Variants in IQSEC1 observed in about 807,000 individuals in gnomAD.
IQSEC1 encodes the protein IQ motif and SEC7 domain-containing protein 1.
Under a neutral mutation model 91.0 loss-of-function variants are expected in IQSEC1, and 31 were observed. That is an observed-to-expected ratio of 0.34 (90% CI 0.26 to 0.46). The LOEUF is 0.46. Ranked by LOEUF, IQSEC1 falls within the 20% of genes least tolerant of loss-of-function variation. The pLI is 1.00. For synonymous variants in IQSEC1, 699 were observed against 662.6 expected (o/e 1.05, Z -0.84); for missense variants, 1,388 against 1,575.6 (o/e 0.88, Z 2.02).
chr3:13,263,192 G>GCTC (rs1695418710), intron 1 of IQSEC1, among the ~76,000 whole-genome samples: 2 of 152,126 alleles, frequency 1.3e-5, no homozygotes, highest in Admixed American at 1.3e-4. Context: ...AGAGGTTGCA[G>GCTC]TGAGCCATAT....
rs1235438760 is a variant in IQSEC1 at position 13,008,276 on chromosome 3, A to T, written c.23+64716T>A. Among the ~76,000 whole-genome samples the T allele has an allele frequency of 2.0e-5, 3 of 151,512 alleles. No homozygotes were observed. Among genetic ancestry groups the T allele is most frequent in the African/African-American group, 7.2e-5 (3 of 41,390 alleles). On this transcript the variant is annotated intron_variant, in intron 1 of 13. Coordinates refer to ENST00000613206, the MANE Select transcript of IQSEC1 (RefSeq NM_001134382.3). The surrounding 1 kb of genome is among the most constrained non-coding windows in gnomAD (Gnocchi z 4.1). Reference sequence around the variant, plus strand: ...ACCTCTCCTTCCCGCGTCGAAGCTCAGAGGTGAGCCTCAGCTGACCCTCCC... The same window carrying T: ...ACCTCTCCTTCCCGCGTCGAAGCTCTGAGGTGAGCCTCAGCTGACCCTCCC...
chr3:12,929,704 G>T (rs904408225), intron 3 of IQSEC1, among the ~76,000 whole-genome samples: 1 of 152,130 alleles, frequency 6.6e-6, no homozygotes, highest in African/African-American at 2.4e-5. Flanking sequence ...TCTTTCTTTA[G>T]CTCTTCTTGA....
intron 1 of IQSEC1, among the ~76,000 whole-genome samples, chr3:13,038,986 T>A (rs1466742539): frequency 6.6e-6 from 1 of 152,260 alleles, no homozygotes; most frequent in Non-Finnish European, 1.5e-5. Context: ...AGGAAAGGGA[T>A]AAGATTTGTG....
At chr3:13,210,678 C>G (rs1245118492) in intron 1 of IQSEC1, among the ~76,000 whole-genome samples, 4 of 152,138 alleles carry the variant, frequency 2.6e-5, no homozygotes, top group African/African-American at 9.7e-5. Flanking sequence ...CGGGGCTCCT[C>G]CGCTCTGAGT....
At chr3:13,026,083 G>A (rs973898988) in intron 1 of IQSEC1, among the ~76,000 whole-genome samples, 1 of 152,218 alleles carries the variant, frequency 6.6e-6, no homozygotes, top group Non-Finnish European at 1.5e-5. Context: ...GGCCAGCAGC[G>A]GCCCTGGCAG....
chr3:13,072,764 C>T (rs190370216), intron 1 of IQSEC1, among the ~76,000 whole-genome samples: 1 of 152,342 alleles, frequency 6.6e-6, no homozygotes, highest in Non-Finnish European at 1.5e-5. Context: ...AATTTCACAG[C>T]CTGCTGAAGA....
Position 12,941,729 on chromosome 3 carries a change from G to T in IQSEC1, c.160C>A (p.Leu54Met). 1 of 1,612,500 alleles carries T rather than the reference G, an allele frequency of 6.2e-7. No individual in the cohort carries two copies. Among genetic ancestry groups the T allele is most frequent in the Non-Finnish European group, 8.5e-7 (1 of 1,179,970 alleles). The change falls in exon 2 of 14, where the codon CTG becomes ATG. Residue 54 changes from leucine to methionine, a missense_variant. Leu to Met is a conservative substitution (Grantham distance 15). Around this residue, in one of 2 missense-constraint regions of IQSEC1, gnomAD observed 1,059 missense variants for 1,317.8 expected, o/e 0.80. Transcript: ENST00000613206. ...TGTTGCCCCGGCGGCCCCGAGTACA[G>T]CCCATAGGCTCCCACTGACGTGTGC... ...YEHTSVGAYG[L>M]YSGPPGQQQR...
chr3:13,070,510 C>T (rs1238674630), intron 1 of IQSEC1, among the ~76,000 whole-genome samples: 1 of 152,176 alleles, frequency 6.6e-6, no homozygotes, highest in African/African-American at 2.4e-5. Context: ...GCAGCAGGTG[C>T]TGGGAGAGCC....
rs77908822 is a variant in IQSEC1, at chr3:13,058,931, C to T, written c.23+14061G>A. ...GGTAGCTTTGGCCAGCGGCGGACAGCGCTGCCCTCAGCCAGGTGGGTGGGC... is the reference window on the plus strand; with the variant it reads ...GGTAGCTTTGGCCAGCGGCGGACAGTGCTGCCCTCAGCCAGGTGGGTGGGC... On this transcript the variant is annotated intron_variant, in intron 1 of 13. Coordinates refer to ENST00000613206, the MANE Select transcript of IQSEC1 (RefSeq NM_001134382.3). Among the ~76,000 whole-genome samples the T allele has an allele frequency of 2.9e-3, 445 of 152,126 alleles. 4 individuals carry two copies. Among genetic ancestry groups the T allele is most frequent in the African/African-American group, 9.8e-3 (407 of 41,492 alleles).
chr3:13,185,059 A>T (rs1046793113), intron 1 of IQSEC1, among the ~76,000 whole-genome samples: 4 of 152,148 alleles, frequency 2.6e-5, no homozygotes, highest in Non-Finnish European at 5.9e-5. Flanking sequence ...GGGGTTTCAG[A>T]TTCGGGGGAT....
At chr3:13,182,260 C>T (rs976494476) in intron 1 of IQSEC1, among the ~76,000 whole-genome samples, 3 of 152,326 alleles carry the variant, frequency 2.0e-5, no homozygotes, top group South Asian at 2.1e-4. Context: ...GGCAAACCAT[C>T]AGTCTGATGC....
At chr3:13,120,165 T>C (rs1392313010) in intron 2 of IQSEC1, among the ~76,000 whole-genome samples, 1 of 152,136 alleles carries the variant, frequency 6.6e-6, no homozygotes, top group East Asian at 1.9e-4. Context: ...CAGAACGCAG[T>C]CTGCAGCAGC....
intron 1 of IQSEC1, among the ~76,000 whole-genome samples, chr3:13,252,889 C>G (rs918720395): frequency 2.0e-5 from 3 of 152,182 alleles, no homozygotes; most frequent in Non-Finnish European, 1.5e-5. Flanking sequence ...CCCGCCACCA[C>G]TCCCGGCCAA....
intron 1 of IQSEC1, among the ~76,000 whole-genome samples, chr3:13,045,321 G>A (rs941730489): frequency 6.6e-6 from 1 of 152,072 alleles, no homozygotes; most frequent in Non-Finnish European, 1.5e-5. Flanking sequence ...TTCTTTTTCT[G>A]CTTGCTGCCT....
chr3:13,032,427 G>A (rs1004142275), intron 1 of IQSEC1, among the ~76,000 whole-genome samples: 10 of 152,336 alleles, frequency 6.6e-5, no homozygotes, highest in Middle Eastern at 3.4e-3. Context: ...TCCGCAGGCC[G>A]AACCTGCAGG....
chr3:13,135,475 AG>A (rs1401201475), intron 2 of IQSEC1, among the ~76,000 whole-genome samples: 1 of 152,234 alleles, frequency 6.6e-6, no homozygotes, highest in Non-Finnish European at 1.5e-5. Flanking sequence ...GTCAGGGGTG[AG>A]GCCAGGGCCC....
chr3:13,067,371 C>T (rs1181584375), intron 1 of IQSEC1, among the ~76,000 whole-genome samples: 1 of 152,208 alleles, frequency 6.6e-6, no homozygotes, highest in African/African-American at 2.4e-5. Context: ...CTCCTAAGCC[C>T]CCACTGGTGG....
At chr3:13,234,092 G>C (rs1274097985) in intron 1 of IQSEC1, among the ~76,000 whole-genome samples, 1 of 152,200 alleles carries the variant, frequency 6.6e-6, no homozygotes, top group Non-Finnish European at 1.5e-5. Flanking sequence ...TCCAATGCTG[G>C]GTTTGTCTAA....
intron 1 of IQSEC1, among the ~76,000 whole-genome samples, chr3:13,252,738 G>GTTTA (rs1695218586): frequency 1.5e-5 from 2 of 129,182 alleles, no homozygotes; most frequent in African/African-American, 3.6e-5. Flanking sequence ...GTTTTTGTTT[G>GTTTA]TTTGTTTGTT....
Sources: allele counts gnomAD v4.1 joint callset (sites outside exome capture counted in the v4.1 genomes callset), GRCh38; gene constraint gnomAD v4.1.1; regional missense constraint gnomAD v4.1.1; non-coding constraint Gnocchi (gnomAD v3.1); transcripts MANE v1.5; gene names NCBI Gene and HGNC (gene_info 2026-07-23, HGNC 2026-07-21).